Variants in TNPO1 observed in about 807,000 individuals in gnomAD.
The protein encoded by TNPO1 is transportin 1.
TNPO1 carries 8 observed loss-of-function variants against 119.5 expected under a neutral mutation model. The observed-to-expected ratio is 0.07, with a 90% CI of 0.04 to 0.12. The LOEUF is 0.12. Ranked by LOEUF, TNPO1 falls within the 10% of genes least tolerant of loss-of-function variation. The pLI is 1.00. For missense variants in TNPO1, 576 were observed against 1,089.8 expected, an observed-to-expected ratio of 0.53 and a Z score of 6.64; for synonymous variants, 362 against 363.0, an observed-to-expected ratio of 1.00 and a Z score of 0.03.
At chr5:72,896,183 G>A (rs1383191955) in intron 18 of TNPO1, among the ~76,000 whole-genome samples, 3 of 151,798 alleles carry the variant, frequency 2.0e-5, no homozygotes, top group East Asian at 3.9e-4. Context: ...ACCCAAACTT[G>A]TATTTCCTGT....
intron 15 of TNPO1, 81 bp from the exon 16 acceptor site, chr5:72,893,058 C>T: frequency 9.7e-7 from 1 of 1,030,992 alleles, no homozygotes; most frequent in South Asian, 1.5e-5. Flanking sequence ...TGATCAGGAT[C>T]CTGTTGAGCG....
At chr5:72,875,540 C>T in intron 7 of TNPO1, 75 bp from the exon 8 acceptor site, 1 of 1,513,572 alleles carries the variant, frequency 6.6e-7, no homozygotes, top group Admixed American at 1.8e-5. Context: ...CTTTAAATGT[C>T]ACCAACTTGC....
At chr5:72,861,782 C>G (rs1311507460) in intron 4 of TNPO1, 26 bp from the exon 5 acceptor site, 4 of 1,520,674 alleles carry the variant, frequency 2.6e-6, no homozygotes, top group Non-Finnish European at 3.6e-6. Flanking sequence ...TGTTGGATTT[C>G]CTAAAGAAGT....
intron 7 of TNPO1, among the ~76,000 whole-genome samples, chr5:72,874,157 C>T (rs1252279511): frequency 2.0e-5 from 3 of 152,114 alleles, no homozygotes; most frequent in Non-Finnish European, 2.9e-5. Context: ...TTGTTTACTA[C>T]TTGATAGTCC....
intron 14 of TNPO1, among the ~76,000 whole-genome samples, chr5:72,891,421 C>T (rs1234042490): frequency 6.6e-6 from 1 of 151,982 alleles, no homozygotes; most frequent in East Asian, 2.0e-4. Context: ...GCTGAGATCA[C>T]GCCGCTGCAC....
chr5:72,902,731 T>C (rs1002444751), intron 22 of TNPO1, among the ~76,000 whole-genome samples: 2 of 152,194 alleles, frequency 1.3e-5, no homozygotes, highest in Non-Finnish European at 2.9e-5. Flanking sequence ...TTTATAACTT[T>C]TATTCACATA....
chr5:72,904,641 C>CA (rs1750011863), intron 23 of TNPO1, among the ~76,000 whole-genome samples: 2 of 152,168 alleles, frequency 1.3e-5, no homozygotes, highest in African/African-American at 2.4e-5. Flanking sequence ...ACTAAAAATA[C>CA]AAAAAATTAG....
intron 1 of TNPO1, among the ~76,000 whole-genome samples, chr5:72,824,883 A>G (rs1251419091): frequency 6.6e-6 from 1 of 152,158 alleles, no homozygotes; most frequent in Admixed American, 6.5e-5. Flanking sequence ...CAAAGTCAGC[A>G]TATCCAAAAC....
intron 3 of TNPO1, among the ~76,000 whole-genome samples, chr5:72,854,994 A>T (rs933261585): frequency 1.2e-4 from 18 of 150,262 alleles, no homozygotes; most frequent in South Asian, 4.2e-4. Flanking sequence ...ATTTCAAAAA[A>T]TTTTTTTTTT....
chr5:72,837,665 G>A (rs1007314202), intron 1 of TNPO1, among the ~76,000 whole-genome samples: 2 of 152,078 alleles, frequency 1.3e-5, no homozygotes, highest in East Asian at 1.9e-4. Context: ...GTTATCTGAT[G>A]GTACGAACTG....
At chr5:72,847,508 C>T (rs1260658922) in intron 1 of TNPO1, among the ~76,000 whole-genome samples, 1 of 152,190 alleles carries the variant, frequency 6.6e-6, no homozygotes, top group Non-Finnish European at 1.5e-5. Context: ...AATAATACCT[C>T]ACTAGGTTGT....
chr5:72,817,001 T>TAGGGGCGGCAGGAGCCCGTTACA, intron 1 of TNPO1: 1 of 481,078 alleles, frequency 2.1e-6, no homozygotes, highest in Non-Finnish European at 3.7e-6. Context: ...AGGATCCCGT[T>TAGGGGCGGCAGGAGCCCGTTACA]AGGGGCGGCA....
intron 2 of TNPO1, among the ~76,000 whole-genome samples, chr5:72,850,357 C>G (rs545830052): frequency 6.6e-6 from 1 of 152,186 alleles, no homozygotes; most frequent in East Asian, 1.9e-4. Context: ...TTACACCTTG[C>G]AGTTTTACTA....
At chr5:72,847,717 T>G (rs1339156689) in intron 1 of TNPO1, among the ~76,000 whole-genome samples, 7 of 152,250 alleles carry the variant, frequency 4.6e-5, no homozygotes, top group Non-Finnish European at 1.0e-4. Context: ...AATGCAATTT[T>G]TTTTAAGTCA....
chr5:72,826,587 G>A (rs920934676), intron 1 of TNPO1, among the ~76,000 whole-genome samples: 4 of 152,070 alleles, frequency 2.6e-5, no homozygotes, highest in Non-Finnish European at 5.9e-5. Context: ...CACTTAGTAA[G>A]TATTTGTTAA....
chr5:72,886,485 G>T (rs1473473312), intron 11 of TNPO1, among the ~76,000 whole-genome samples: 2 of 152,152 alleles, frequency 1.3e-5, no homozygotes, highest in Non-Finnish European at 2.9e-5. Flanking sequence ...GAATTGAGTG[G>T]CACAGTATTT....
Position 72,900,022 on chromosome 5 carries a change from T to C in TNPO1, c.2355T>C (p.Arg785=). The C allele has an allele frequency of 1.9e-6, 3 of 1,614,008 alleles. 1 individual carries two copies. Among genetic ancestry groups the C allele is most frequent in the South Asian group, 2.2e-5 (2 of 91,070 alleles). The change falls in exon 21 of 25, where the codon CGT becomes CGC. Residue 785 remains arginine, a synonymous_variant. Coordinates refer to ENST00000337273, the MANE Select transcript of TNPO1 (RefSeq NM_002270.4). ...LLENTAITIG[R]LGYVCPQEVA... is the part of the protein sequence containing the mutation. Reference sequence around the variant, plus strand: ...TTACCTTAGCAATAACAATTGGTCGTCTTGGTTACGTTTGTCCTCAAGAGG... The same window carrying C: ...TTACCTTAGCAATAACAATTGGTCGCCTTGGTTACGTTTGTCCTCAAGAGG...
chr5:72,855,553 A>G (rs1745926109), intron 3 of TNPO1, among the ~76,000 whole-genome samples: 1 of 152,212 alleles, frequency 6.6e-6, no homozygotes, highest in South Asian at 2.1e-4. Context: ...AATGCACAGG[A>G]CAGCACCCTC....
chr5:72,905,063 A>G (rs569845721), intron 23 of TNPO1, among the ~76,000 whole-genome samples: 1 of 152,318 alleles, frequency 6.6e-6, no homozygotes, highest in African/African-American at 2.4e-5. Context: ...GTTATCTCCC[A>G]CTGGGTCCCT....
Sources: gnomAD v4.1 joint callset for allele counts (sites outside exome capture counted in the v4.1 genomes callset) on GRCh38, gnomAD v4.1.1 for gene constraint, MANE v1.5 for transcripts, NCBI Gene and HGNC (gene_info 2026-07-23, HGNC 2026-07-21) for gene names.